ZCCHC14: variants seen among roughly 807,000 people sequenced by gnomAD.
ZCCHC14 encodes the protein zinc finger CCHC domain-containing protein 14.
In ZCCHC14, 16 loss-of-function variants were observed where a neutral mutation model predicts 85.0. The ratio of observed to expected loss-of-function variants is 0.19; its 90% CI spans 0.13 to 0.29. ZCCHC14 has a LOEUF of 0.29. Ranked by LOEUF, ZCCHC14 falls within the 10% of genes least tolerant of loss-of-function variation. ZCCHC14 has a pLI of 1.00. For missense variants in ZCCHC14, 1,303 were observed against 1,443.5 expected, an observed-to-expected ratio of 0.90 and a Z score of 1.58; for synonymous variants, 775 against 630.7, an observed-to-expected ratio of 1.23 and a Z score of -3.43.
intron 3 of ZCCHC14, among the ~76,000 whole-genome samples, chr16:87,428,041 T>C (rs1051071560): frequency 1.1e-4 from 16 of 151,924 alleles, no homozygotes; most frequent in African/African-American, 3.9e-4. Context: ...GCTGCCTACA[T>C]GCTGACTTTA....
intron 1 of ZCCHC14, among the ~76,000 whole-genome samples, chr16:87,463,012 G>C (rs1911346972): frequency 1.3e-5 from 2 of 152,122 alleles, no homozygotes; most frequent in Non-Finnish European, 2.9e-5. Flanking sequence ...AGGTTGTAGG[G>C]AGCCGAGATT....
At chr16:87,433,083 T>G in intron 3 of ZCCHC14, 45 bp downstream of exon 3, 2 of 1,591,344 alleles carry the variant, frequency 1.3e-6, no homozygotes, top group Non-Finnish European at 1.7e-6. Context: ...AAGTGTTTTC[T>G]TCCTAGCCTT....
chr16:87,434,808 G>A (rs1420662426), intron 2 of ZCCHC14, among the ~76,000 whole-genome samples: 1 of 152,070 alleles, frequency 6.6e-6, no homozygotes, highest in Non-Finnish European at 1.5e-5. Context: ...TGGCCAACAT[G>A]GTGAATCCCT....
At chr16:87,485,469 G>T (rs10221075) in intron 1 of ZCCHC14, among the ~76,000 whole-genome samples, 17,587 of 151,654 alleles carry the variant, frequency 0.12, 2,587 homozygotes, top group African/African-American at 0.34. Flanking sequence ...TCTAAACTGC[G>T]TATGTTAAGA....
chr16:87,445,797 T>C (rs1417328520), intron 2 of ZCCHC14, among the ~76,000 whole-genome samples: 2 of 152,214 alleles, frequency 1.3e-5, no homozygotes, highest in Admixed American at 1.3e-4. Flanking sequence ...AGGGTTGTAG[T>C]GTCTCTTTTG....
chr16:87,449,085 C>T (rs970029058), intron 2 of ZCCHC14, among the ~76,000 whole-genome samples: 1 of 152,212 alleles, frequency 6.6e-6, no homozygotes, highest in African/African-American at 2.4e-5. Context: ...GCCACTACGG[C>T]CTGAACAGTC....
intron 4 of ZCCHC14, among the ~76,000 whole-genome samples, chr16:87,421,665 C>T (rs1364235910): frequency 1.3e-5 from 2 of 152,098 alleles, no homozygotes; most frequent in African/African-American, 2.4e-5. Flanking sequence ...CCTGCAGGGA[C>T]GGCTGAAAGC....
intron 2 of ZCCHC14, among the ~76,000 whole-genome samples, chr16:87,458,322 C>G (rs942739103): frequency 2.0e-5 from 3 of 152,140 alleles, no homozygotes; most frequent in South Asian, 2.1e-4. Context: ...CCCTGCAATT[C>G]CGACGCCAAG....
At chr16:87,490,845 C>T (rs763531186) in intron 1 of ZCCHC14, among the ~76,000 whole-genome samples, 2 of 152,258 alleles carry the variant, frequency 1.3e-5, no homozygotes, top group Non-Finnish European at 2.9e-5. Context: ...GCGACACACG[C>T]GTACATCATA....
intron 1 of ZCCHC14, among the ~76,000 whole-genome samples, chr16:87,485,323 G>C (rs756723095): frequency 1.3e-5 from 2 of 152,186 alleles, no homozygotes; most frequent in Non-Finnish European, 2.9e-5. Context: ...AAACTGCTAA[G>C]AATTAACCTA....
Position 87,412,675 on chromosome 16 carries a change from T to A in ZCCHC14, c.2046A>T (p.Pro682=), listed in dbSNP as rs1159854558. 6.2e-7 allele frequency: 1 copy of A among 1,614,242 alleles called. No individual in the cohort carries two copies. The highest frequency in any genetic ancestry group is 8.5e-7 in the Non-Finnish European group (1 of 1,180,046). Residue 682 remains proline (P), a synonymous_variant, in exon 12 of 13, where the codon CCA becomes CCT. Transcript: ENST00000671377. ...SLEERNKGSG[P]RSSMKVDKSF... ...TCTTGTCCACTTTCATGCTGCTTCT[T>A]GGTCCAGATCCTTTATTCCTTTCTT...
chr16:87,427,439 T>C (rs570230553), intron 3 of ZCCHC14, among the ~76,000 whole-genome samples: 2 of 152,324 alleles, frequency 1.3e-5, no homozygotes, highest in East Asian at 3.9e-4. Flanking sequence ...GACAGAGTTT[T>C]GCTCTGCTGC....
At chr16:87,469,029 G>A (rs558572115) in intron 1 of ZCCHC14, among the ~76,000 whole-genome samples, 13 of 152,350 alleles carry the variant, frequency 8.5e-5, no homozygotes, top group African/African-American at 3.1e-4. Flanking sequence ...TGCCTACGAT[G>A]TCAAGACACA....
intron 11 of ZCCHC14, 22 bp from the exon 12 acceptor site, chr16:87,412,998 G>A (rs1908558093): frequency 3.1e-6 from 5 of 1,613,902 alleles, no homozygotes; most frequent in Non-Finnish European, 4.2e-6. Context: ...AACAAGAGTG[G>A]TCAGTGCCAT....
chr16:87,442,669 T>C (rs1200613884), intron 2 of ZCCHC14, among the ~76,000 whole-genome samples: 1 of 152,216 alleles, frequency 6.6e-6, no homozygotes, highest in Non-Finnish European at 1.5e-5. Context: ...TCAATGAGCT[T>C]ATCCAAACAA....
chr16:87,458,806 G>A (rs139353305), intron 2 of ZCCHC14, among the ~76,000 whole-genome samples: 1 of 152,292 alleles, frequency 6.6e-6, no homozygotes, highest in East Asian at 1.9e-4. Flanking sequence ...AATAACACAG[G>A]GAGAATAGAG....
intron 8 of ZCCHC14, 141 bp downstream of exon 8, chr16:87,417,319 C>T: frequency 7.8e-7 from 1 of 1,278,906 alleles, no homozygotes; most frequent in Non-Finnish European, 1.1e-6. Context: ...GCAAAGCCCA[C>T]CGTCTCCCTT....
intron 1 of ZCCHC14, chr16:87,467,353 G>A: frequency 1.9e-6 from 3 of 1,596,604 alleles, no homozygotes; most frequent in Admixed American, 1.7e-5. Flanking sequence ...ATCCAACTCT[G>A]CACCCCTGGG....
At chr16:87,457,517 C>G (rs1354395891) in intron 2 of ZCCHC14, among the ~76,000 whole-genome samples, 2 of 152,178 alleles carry the variant, frequency 1.3e-5, no homozygotes, top group Non-Finnish European at 2.9e-5. Context: ...TGATGTAAGT[C>G]AGTATCTGTC....
Sources: allele counts gnomAD v4.1 joint callset (sites outside exome capture counted in the v4.1 genomes callset), GRCh38; gene constraint gnomAD v4.1.1; transcripts MANE v1.5; gene names NCBI Gene and HGNC (gene_info 2026-07-23, HGNC 2026-07-21).